CNTN1: variants seen among roughly 807,000 people sequenced by gnomAD.
CNTN1 encodes the protein contactin 1.
Under a neutral mutation model 126.4 loss-of-function variants are expected in CNTN1, and 38 were observed. The observed-to-expected ratio is 0.30, with a 90% CI of 0.23 to 0.39. The LOEUF (loss-of-function observed/expected upper bound fraction) is 0.39. Among genes scored for constraint, CNTN1 ranks in the 10% least tolerant of loss-of-function variants. The pLI is 1.00. For missense variants in CNTN1, 1,009 were observed against 1,248.4 expected (o/e 0.81, Z 2.89); for synonymous variants, 413 against 422.6 (o/e 0.98, Z 0.28).
intron 1 of CNTN1, among the ~76,000 whole-genome samples, chr12:40,724,390 G>C (rs1189232711): frequency 6.6e-6 from 1 of 152,106 alleles, no homozygotes; most frequent in Non-Finnish European, 1.5e-5. Context: ...CTTCAACAGA[G>C]AAAAAGAAAA....
chr12:40,822,104 T>C (rs367872733), intron 1 of CNTN1, among the ~76,000 whole-genome samples: 2 of 150,912 alleles, frequency 1.3e-5, no homozygotes, highest in South Asian at 4.2e-4. Flanking sequence ...ATTTATATAC[T>C]TCTCAATGTT....
chr12:40,789,002 A>G (rs1463448213), intron 1 of CNTN1, among the ~76,000 whole-genome samples: 1 of 152,180 alleles, frequency 6.6e-6, no homozygotes, highest in Non-Finnish European at 1.5e-5. Context: ...ATGAGATTAT[A>G]GAATCTATAG....
intron 1 of CNTN1, among the ~76,000 whole-genome samples, chr12:40,883,376 G>T (rs1366608284): frequency 1.3e-5 from 2 of 151,522 alleles, no homozygotes; most frequent in Non-Finnish European, 3.0e-5. Flanking sequence ...CTGTGACAGA[G>T]AAATGCAAAT....
intron 1 of CNTN1, among the ~76,000 whole-genome samples, chr12:40,866,204 T>A (rs1943291364): frequency 6.6e-6 from 1 of 152,108 alleles, no homozygotes; most frequent in Non-Finnish European, 1.5e-5. Flanking sequence ...TAGCCATAAT[T>A]TTTTTAGTGG....
chr12:41,016,644 A>G (rs1343292930), intron 18 of CNTN1, 38 bp from the exon 19 acceptor site: 1 of 1,340,152 alleles, frequency 7.5e-7, no homozygotes, highest in Non-Finnish European at 1.1e-6. Context: ...TGTTACCTGT[A>G]TTACTAAAAC....
At chr12:40,775,086 G>A (rs552825652) in intron 1 of CNTN1, among the ~76,000 whole-genome samples, 113 of 151,052 alleles carry the variant, frequency 7.5e-4, no homozygotes, top group Non-Finnish European at 1.4e-3. Flanking sequence ...CTGAACACCC[G>A]CTCTTATTCC....
chr12:40,863,451 T>A (rs571893137), intron 1 of CNTN1, among the ~76,000 whole-genome samples: 1 of 152,318 alleles, frequency 6.6e-6, no homozygotes, highest in East Asian at 1.9e-4. Context: ...AGTAAAGGTT[T>A]ATTGGCTATT....
chr12:40,803,983 G>A (rs1041345), intron 1 of CNTN1, among the ~76,000 whole-genome samples: 96,252 of 151,848 alleles, frequency 0.63, 33,214 homozygotes, highest in East Asian at 0.9. Context: ...AAGGGTTACT[G>A]CATGGTGGAG....
intron 1 of CNTN1, among the ~76,000 whole-genome samples, chr12:40,902,911 T>C (rs1944659459): frequency 6.6e-6 from 1 of 152,002 alleles, no homozygotes; most frequent in Non-Finnish European, 1.5e-5. Context: ...GAGAAAACCC[T>C]AGTGTTGTCT....
At chr12:40,825,142 T>C (rs1941569035) in intron 1 of CNTN1, among the ~76,000 whole-genome samples, 1 of 152,114 alleles carries the variant, frequency 6.6e-6, no homozygotes, top group Admixed American at 6.6e-5. Context: ...ATTAAATGAA[T>C]GGGCTATGTT....
chr12:40,823,483 A>T (rs947480384), intron 1 of CNTN1, among the ~76,000 whole-genome samples: 2 of 152,222 alleles, frequency 1.3e-5, no homozygotes, highest in African/African-American at 4.8e-5. Context: ...TGTGATGATC[A>T]AATTAAATCA....
rs1053556714 is a variant in CNTN1 at position 40,937,745 on chromosome 12, A to G, written c.1228+58A>G. 1.1e-5 allele frequency: 11 copies of G among 999,532 alleles called. No homozygotes were observed. In the African/African-American group the frequency reaches 1.7e-4, roughly 16 times the overall value. 61.9% of individuals were successfully genotyped at this position (999,532 alleles called of 1,614,324 possible). ...GTTAAAGCAATATGTCATATCACAC[A>G]AAATGTTTATTGAGCCTACACAAAA... On this transcript the variant is annotated intron_variant, in intron 11 of 23. Transcript: ENST00000551295.
intron 23 of CNTN1, among the ~76,000 whole-genome samples, chr12:41,053,468 T>TATATATATA (rs60201950): frequency 2.5e-3 from 329 of 130,580 alleles, no homozygotes; most frequent in Middle Eastern, 4.0e-3. Flanking sequence ...TATATATATA[T>TATATATATA]TTGCCAATAA....
chr12:40,835,483 A>G (rs980830915), intron 1 of CNTN1, among the ~76,000 whole-genome samples: 22 of 152,030 alleles, frequency 1.4e-4, no homozygotes, highest in Admixed American at 4.6e-4. Flanking sequence ...CTTCCATCTA[A>G]CCTATAAACT....
intron 17 of CNTN1, among the ~76,000 whole-genome samples, chr12:40,999,970 T>C (rs1948316957): frequency 6.6e-6 from 1 of 152,050 alleles, no homozygotes; most frequent in Admixed American, 6.6e-5. Flanking sequence ...CCTCCCAAAG[T>C]GCTAGATTAC....
chr12:40,879,327 A>G (rs1380607760), intron 1 of CNTN1, among the ~76,000 whole-genome samples: 2 of 152,152 alleles, frequency 1.3e-5, no homozygotes, highest in Non-Finnish European at 2.9e-5. Flanking sequence ...TTCTTCCTAC[A>G]GTTAAGTAAA....
chr12:40,927,313 T>G (rs946197017), intron 6 of CNTN1, among the ~76,000 whole-genome samples: 14 of 152,118 alleles, frequency 9.2e-5, no homozygotes, highest in African/African-American at 3.4e-4. Flanking sequence ...ACAAAGAAGA[T>G]GGTCTGTTGA....
intron 6 of CNTN1, among the ~76,000 whole-genome samples, chr12:40,927,048 C>A (rs887846866): frequency 1.7e-5 from 2 of 117,836 alleles, no homozygotes; most frequent in East Asian, 5.2e-4. Context: ...GATGGAATAT[C>A]AATTTATGAT....
intron 16 of CNTN1, 135 bp downstream of exon 16, chr12:40,981,202 T>C (rs1947810120): frequency 1.3e-6 from 1 of 786,358 alleles, no homozygotes; most frequent in African/African-American, 1.8e-5. Flanking sequence ...TTAAAATGTA[T>C]TCTAATATTT....
Sources: allele counts gnomAD v4.1 joint callset (sites outside exome capture counted in the v4.1 genomes callset), GRCh38; gene constraint gnomAD v4.1.1; transcripts MANE v1.5; gene names NCBI Gene and HGNC (gene_info 2026-07-23, HGNC 2026-07-21).